Variants in SAMD12 observed in about 807,000 individuals in gnomAD.
SAMD12 encodes sterile alpha motif domain-containing protein 12.
A neutral mutation model predicts 15.0 loss-of-function variants in SAMD12; 9 were observed. The observed-to-expected ratio is 0.60, with a 90% CI of 0.36 to 1.05. The LOEUF is 1.05. SAMD12 is among the 50% of genes least tolerant of loss of function. The pLI is 0.01. For missense variants in SAMD12, 230 were observed against 234.2 expected (o/e 0.98, Z 0.12); for synonymous variants, 86 against 90.1 (o/e 0.96, Z 0.25).
chr8:118,219,041 C>G (rs538693951), intron 4 of SAMD12, among the ~76,000 whole-genome samples: 1 of 152,310 alleles, frequency 6.6e-6, no homozygotes, highest in East Asian at 1.9e-4. Flanking sequence ...AAAGCTGCCC[C>G]TTTAGATGTG....
At chr8:118,398,475 C>T (rs1563828941) in intron 3 of SAMD12, among the ~76,000 whole-genome samples, 2 of 152,164 alleles carry the variant, frequency 1.3e-5, no homozygotes, top group Admixed American at 6.5e-5. Flanking sequence ...CAGAAGAATT[C>T]TGGATTACTG....
chr8:118,558,585 G>A (rs978062376), intron 2 of SAMD12, among the ~76,000 whole-genome samples: 1 of 151,942 alleles, frequency 6.6e-6, no homozygotes, highest in Non-Finnish European at 1.5e-5. Flanking sequence ...TTGAGACAGA[G>A]TCTGATTCTG....
chr8:118,190,682 CTAAT>C (rs1351120342), exon 5 of SAMD12: 2 of 152,204 alleles, frequency 1.3e-5, no homozygotes, highest in Admixed American at 1.3e-4. Context: ...GATCGGCACT[CTAAT>C]TACACATAAG....
rs1318799699 is a variant in SAMD12 at position 118,478,922 on chromosome 8, G to A, written c.193-38961C>T. On this transcript the variant is annotated intron_variant, in intron 2 of 3. Coordinates refer to ENST00000314727, the MANE Select transcript of SAMD12 (RefSeq NM_207506.3). ...TATGTCATAATTACTCAAGGCCAGT[G>A]TCAGAAAATTTCTATTCCATACCTG... is the stretch of plus-strand genomic sequence containing the variant. Among the ~76,000 whole-genome samples the A allele has an allele frequency of 2.0e-5, 3 of 152,210 alleles. No homozygotes were observed. In the East Asian group the frequency reaches 5.8e-4, roughly 29 times the overall value.
the SAMD12 span, among the ~76,000 whole-genome samples, chr8:118,163,899 A>T: frequency 6.6e-6 from 1 of 151,466 alleles, no homozygotes; most frequent in Non-Finnish European, 1.5e-5. Flanking sequence ...AAAACAAAAC[A>T]AAACAAAACA....
rs545376017 is a variant in SAMD12, at chr8:118,436,965, A to C, written c.322+2867T>G. On this transcript the variant is annotated intron_variant, in intron 3 of 3. Coordinates refer to ENST00000314727, the MANE Select transcript of SAMD12 (RefSeq NM_207506.3). ...ACCCAGCAACCTTTACAAAATCACA[A>C]GGTTGCGATGCAGCTCTGGGCTGTG... is the stretch of plus-strand genomic sequence containing the variant. Among the ~76,000 whole-genome samples the C allele has an allele frequency of 2.6e-5, 4 of 152,274 alleles. No homozygotes were observed. In the East Asian group the frequency reaches 7.7e-4, roughly 29 times the overall value.
At chr8:118,523,039 T>A (rs1825434280) in intron 2 of SAMD12, among the ~76,000 whole-genome samples, 1 of 152,194 alleles carries the variant, frequency 6.6e-6, no homozygotes, top group Admixed American at 6.5e-5. Context: ...CTTTACAAAA[T>A]GTACTTTTTA....
intron 4 of SAMD12, among the ~76,000 whole-genome samples, chr8:118,325,939 G>C (rs986480699): frequency 1.3e-5 from 2 of 152,142 alleles, no homozygotes; most frequent in African/African-American, 4.8e-5. Flanking sequence ...AGCCCAGCAG[G>C]GCGGCTTACT....
intron 3 of SAMD12, among the ~76,000 whole-genome samples, chr8:118,412,768 G>A (rs1299942239): frequency 1.3e-5 from 2 of 152,124 alleles, no homozygotes; most frequent in Non-Finnish European, 2.9e-5. Flanking sequence ...CTCACAGAAT[G>A]TAGGAAATAT....
At chr8:118,227,056 CACATGTATGTGAATGTT>C in intron 4 of SAMD12, among the ~76,000 whole-genome samples, 1 of 152,122 alleles carries the variant, frequency 6.6e-6, no homozygotes, top group Non-Finnish European at 1.5e-5. Flanking sequence ...GCCATAAAGA[CACATGTATGTGAATGTT>C]CACTGCAGCA....
intron 1 of SAMD12, among the ~76,000 whole-genome samples, chr8:118,610,034 T>C (rs999475617): frequency 6.6e-6 from 1 of 152,216 alleles, no homozygotes; most frequent in Non-Finnish European, 1.5e-5. Flanking sequence ...CCCAGTGTCA[T>C]TCACTGTGTT....
intron 4 of SAMD12, among the ~76,000 whole-genome samples, chr8:118,360,538 C>A (rs1010404275): frequency 4.6e-5 from 7 of 150,732 alleles, no homozygotes; most frequent in Middle Eastern, 3.4e-3. Flanking sequence ...AAAAAAAAAA[C>A]CACGAAACAA....
chr8:118,434,044 GC>G (rs1489988336), intron 3 of SAMD12, among the ~76,000 whole-genome samples: 3 of 152,160 alleles, frequency 2.0e-5, no homozygotes, highest in Non-Finnish European at 4.4e-5. Context: ...GAGTAGAACA[GC>G]CCAGAAAAAT....
intron 1 of SAMD12, among the ~76,000 whole-genome samples, chr8:118,619,655 T>G (rs1231782149): frequency 1.3e-5 from 2 of 152,174 alleles, no homozygotes; most frequent in Non-Finnish European, 2.9e-5. Flanking sequence ...CAAAGTACTG[T>G]GCTATGAGCT....
In SAMD12 at chr8:118,537,011, T is replaced by C. The variant is rs570794679; in HGVS notation, c.192+43704A>G. 2.5e-3 allele frequency among the ~76,000 whole-genome samples: 377 copies of C among 152,322 alleles called. 1 individual carries two copies. The highest frequency in any genetic ancestry group is 6.8e-3 in the Middle Eastern group (2 of 294). On this transcript the variant is annotated intron_variant, in intron 2 of 3. Coordinates refer to ENST00000314727, the MANE Select transcript of SAMD12 (RefSeq NM_207506.3). Reference sequence around the variant, plus strand: ...TATTGTTTGTCTGGGAAAGTCTTTATTTTGCCTTCATGTTGGAAGGATATT... The same window carrying C: ...TATTGTTTGTCTGGGAAAGTCTTTACTTTGCCTTCATGTTGGAAGGATATT...
At chr8:118,552,971 C>T (rs1319028103) in intron 2 of SAMD12, among the ~76,000 whole-genome samples, 1 of 152,086 alleles carries the variant, frequency 6.6e-6, no homozygotes, top group East Asian at 1.9e-4. Flanking sequence ...ATCCAACTTA[C>T]AAGGGACATG....
chr8:118,227,368 G>T (rs770057404), intron 4 of SAMD12, among the ~76,000 whole-genome samples: 1 of 152,118 alleles, frequency 6.6e-6, no homozygotes, highest in African/African-American at 2.4e-5. Context: ...CTTACTTGAG[G>T]GTGGAGGGTG....
exon 5 of SAMD12, chr8:118,197,230 T>C (rs887501002): frequency 1.2e-5 from 2 of 170,220 alleles, no homozygotes; most frequent in African/African-American, 4.8e-5. Context: ...ATAACTAACA[T>C]AATCGAGACG....
At chr8:118,537,775 G>C (rs1825885216) in intron 2 of SAMD12, among the ~76,000 whole-genome samples, 1 of 152,152 alleles carries the variant, frequency 6.6e-6, no homozygotes, top group African/African-American at 2.4e-5. Flanking sequence ...TAGTTACCCG[G>C]AATCGCTGTT....
Sources: allele counts gnomAD v4.1 joint callset (sites outside exome capture counted in the v4.1 genomes callset), GRCh38; gene constraint gnomAD v4.1.1; transcripts MANE v1.5; gene names NCBI Gene and HGNC (gene_info 2026-07-23, HGNC 2026-07-21).